PDE4D: variants seen among roughly 807,000 people sequenced by gnomAD.
PDE4D encodes phosphodiesterase 4D, also known as 3',5'-cyclic-AMP phosphodiesterase 4D.
PDE4D carries 24 observed loss-of-function variants against 87.4 expected under a neutral mutation model. That is an observed-to-expected ratio of 0.27 (90% CI 0.20 to 0.39). The LOEUF (loss-of-function observed/expected upper bound fraction) is 0.39, where lower values mean the gene tolerates loss of function less well. Ranked by LOEUF, PDE4D falls within the 10% of genes least tolerant of loss-of-function variation. The probability of loss-of-function intolerance (pLI) is 1.00; values close to 1 mark genes in which losing one functional copy is unlikely to be tolerated. For missense variants in PDE4D, 714 were observed against 1,041.0 expected (o/e 0.69, Z 4.32); for synonymous variants, 384 against 383.2 (o/e 1.00, Z -0.02).
intron 1 of PDE4D, among the ~76,000 whole-genome samples, chr5:60,278,403 C>A (rs868560246): frequency 2.0e-5 from 3 of 151,976 alleles, no homozygotes; most frequent in African/African-American, 7.2e-5. Context: ...TGGGTTTATC[C>A]TGTTTATGGT....
At chr5:60,466,633 G>A (rs1032730094) in intron 1 of PDE4D, among the ~76,000 whole-genome samples, 2 of 152,166 alleles carry the variant, frequency 1.3e-5, no homozygotes. Context: ...AATTCAATGA[G>A]ATTGAAATCA....
intron 1 of PDE4D, among the ~76,000 whole-genome samples, chr5:59,614,261 T>C (rs1829377760): frequency 6.6e-6 from 1 of 152,296 alleles, no homozygotes; most frequent in East Asian, 1.9e-4. Flanking sequence ...TGCAAATATG[T>C]AAAATTAAGA....
chr5:59,423,118 T>C (rs555801896), intron 1 of PDE4D, among the ~76,000 whole-genome samples: 58 of 152,264 alleles, frequency 3.8e-4, no homozygotes, highest in Non-Finnish European at 7.2e-4. Flanking sequence ...TTTTTGCCAC[T>C]CTCCTCTCTG....
chr5:59,041,613 A>C (rs1759698428), intron 5 of PDE4D, among the ~76,000 whole-genome samples: 1 of 152,178 alleles, frequency 6.6e-6, no homozygotes, highest in Non-Finnish European at 1.5e-5. Context: ...CTTTTCAATC[A>C]TTGGTTACAA....
chr5:59,548,167 A>G (rs1356930553), intron 1 of PDE4D, among the ~76,000 whole-genome samples: 4 of 152,196 alleles, frequency 2.6e-5, no homozygotes, highest in South Asian at 4.1e-4. Context: ...GCAAACTGCT[A>G]TTTTGTTTAA....
chr5:60,090,752 T>A (rs1197633758), intron 2 of PDE4D, among the ~76,000 whole-genome samples: 3 of 152,178 alleles, frequency 2.0e-5, no homozygotes, highest in African/African-American at 7.2e-5. Flanking sequence ...TGTTCACAGA[T>A]GACATGATCC....
intron 1 of PDE4D, among the ~76,000 whole-genome samples, chr5:59,878,150 T>C (rs1231961121): frequency 6.6e-6 from 1 of 152,190 alleles, no homozygotes; most frequent in East Asian, 1.9e-4. Flanking sequence ...AAGTGTTAGT[T>C]TTCATCTTTT....
intron 5 of PDE4D, among the ~76,000 whole-genome samples, chr5:59,144,891 G>A (rs968369834): frequency 6.6e-5 from 1 of 15,066 alleles, no homozygotes; most frequent in Non-Finnish European, 1.1e-4. Context: ...AGGGTTTAAT[G>A]GGGGGGGGGG....
intron 3 of PDE4D, among the ~76,000 whole-genome samples, chr5:59,919,630 T>A (rs1356083855): frequency 1.3e-5 from 2 of 152,224 alleles, no homozygotes; most frequent in Non-Finnish European, 2.9e-5. Context: ...TGAAGAGCAC[T>A]CCATGCAAAC....
At chr5:59,244,730 A>C (rs1448347009) in intron 1 of PDE4D, among the ~76,000 whole-genome samples, 1 of 140,428 alleles carries the variant, frequency 7.1e-6, no homozygotes, top group Non-Finnish European at 1.6e-5. Context: ...GTGTATAGAG[A>C]GACCGACCTG....
At chr5:59,328,713 C>T (rs1276241601) in intron 1 of PDE4D, among the ~76,000 whole-genome samples, 2 of 152,136 alleles carry the variant, frequency 1.3e-5, no homozygotes, top group Non-Finnish European at 2.9e-5. Flanking sequence ...CCTGTATTTG[C>T]ATTGCATTTA....
At chr5:59,668,550 AT>A (rs1169051929) in intron 1 of PDE4D, among the ~76,000 whole-genome samples, 1 of 151,892 alleles carries the variant, frequency 6.6e-6, no homozygotes, top group African/African-American at 2.4e-5. Flanking sequence ...TCTCTACAAA[AT>A]TTAAAACAAT....
At chr5:60,411,940 A>T (rs1742079526) in intron 1 of PDE4D, among the ~76,000 whole-genome samples, 1 of 152,158 alleles carries the variant, frequency 6.6e-6, no homozygotes, top group South Asian at 2.1e-4. Context: ...TTATCTTCCC[A>T]AAGATTCCCC....
intron 5 of PDE4D, among the ~76,000 whole-genome samples, chr5:59,074,388 T>C (rs1765347333): frequency 6.6e-6 from 1 of 152,124 alleles, no homozygotes; most frequent in Non-Finnish European, 1.5e-5. Context: ...AAGTGAGTTA[T>C]GAGATTCAGT....
chr5:59,062,493 G>GT (rs1347026272), intron 5 of PDE4D, among the ~76,000 whole-genome samples: 1 of 152,104 alleles, frequency 6.6e-6, no homozygotes, highest in Non-Finnish European at 1.5e-5. Context: ...GCAATCAGAT[G>GT]TTTGAGACTA....
intron 2 of PDE4D, among the ~76,000 whole-genome samples, chr5:60,010,628 G>C (rs973065844): frequency 7.9e-5 from 12 of 152,064 alleles, no homozygotes; most frequent in Non-Finnish European, 1.5e-4. Context: ...CTATTGCATG[G>C]AACACTCGAT....
intron 1 of PDE4D, among the ~76,000 whole-genome samples, chr5:59,400,766 C>T (rs938759532): frequency 6.6e-6 from 1 of 151,938 alleles, no homozygotes; most frequent in Admixed American, 6.5e-5. Context: ...ATCTTTACAA[C>T]ATTCCTATGA....
Position 60,192,848 on chromosome 5 carries a change from A to G in PDE4D, c.-89-7161T>C, listed in dbSNP as rs1785304817. On this transcript the variant is annotated intron_variant, in intron 1 of 16. Coordinates refer to the PDE4D transcript ENST00000502484. ...CTTAAAAGTTGGATTAAAAGAAAGT[A>G]TTTGAGTGAATACAAAAGTTACTCA... Among the ~76,000 whole-genome samples the G allele has an allele frequency of 4.6e-5, 7 of 152,242 alleles. No individual in the cohort carries two copies. The South Asian group carries it at 1.4e-3, about 31-fold the overall frequency.
chr5:59,931,949 C>T (rs893823267), intron 3 of PDE4D, among the ~76,000 whole-genome samples: 1 of 152,120 alleles, frequency 6.6e-6, no homozygotes, highest in Non-Finnish European at 1.5e-5. Flanking sequence ...AATCTGCCCG[C>T]CTTGGCCTCC....
Sources: gnomAD v4.1 joint callset for allele counts (sites outside exome capture counted in the v4.1 genomes callset) on GRCh38, gnomAD v4.1.1 for gene constraint, MANE v1.5 for transcripts, NCBI Gene and HGNC (gene_info 2026-07-23, HGNC 2026-07-21) for gene names.